Variants in TRDN observed in about 807,000 individuals in gnomAD.
TRDN encodes the protein triadin in skeletal muscle.
In TRDN, 161 loss-of-function variants were observed where a neutral mutation model predicts 149.7. That is an observed-to-expected ratio of 1.08 (90% CI 0.95 to 1.23). TRDN has a LOEUF of 1.23. Among genes scored for constraint, TRDN ranks in the 50% most tolerant of loss-of-function variants. TRDN has a pLI of 0.00. For synonymous variants in TRDN, 294 were observed against 250.5 expected (o/e 1.17, Z -1.64); for missense variants, 896 against 823.5 (o/e 1.09, Z -1.08).
At chr6:123,396,474 T>A (rs1772737978) in intron 12 of TRDN, among the ~76,000 whole-genome samples, 1 of 152,206 alleles carries the variant, frequency 6.6e-6, no homozygotes, top group African/African-American at 2.4e-5. Context: ...CAGATGACCA[T>A]AACAATATTC....
chr6:123,271,295 CT>C (rs1338455304), intron 29 of TRDN, 109 bp from the exon 30 acceptor site: 2 of 658,056 alleles, frequency 3.0e-6, no homozygotes, highest in African/African-American at 3.7e-5. Flanking sequence ...CCAAGAAAAA[CT>C]TGTTGCCTCA....
At chr6:123,326,982 C>T (rs1278558331) in intron 23 of TRDN, among the ~76,000 whole-genome samples, 1 of 152,078 alleles carries the variant, frequency 6.6e-6, no homozygotes, top group East Asian at 1.9e-4. Flanking sequence ...AGAAATTCTA[C>T]TGTAACCAAA....
intron 38 of TRDN, among the ~76,000 whole-genome samples, chr6:123,251,690 T>C (rs550847579): frequency 9.2e-5 from 14 of 151,942 alleles, no homozygotes; most frequent in Non-Finnish European, 2.1e-4. Context: ...GAATATTTTT[T>C]CATAAATATG....
At chr6:123,636,669 A>G (rs768264069) in intron 1 of TRDN, 85 bp downstream of exon 1, 7 of 1,509,424 alleles carry the variant, frequency 4.6e-6, no homozygotes, top group Non-Finnish European at 6.4e-6. Flanking sequence ...GCAACATTTT[A>G]AATGGACACA....
At chr6:123,459,448 GA>G (rs1776324203) in intron 10 of TRDN, among the ~76,000 whole-genome samples, 1 of 152,212 alleles carries the variant, frequency 6.6e-6, no homozygotes, top group African/African-American at 2.4e-5. Context: ...TGAAGGACAT[GA>G]CCTTCAGATG....
intron 1 of TRDN, among the ~76,000 whole-genome samples, chr6:123,597,097 T>C (rs1407161574): frequency 5.3e-5 from 8 of 152,128 alleles, no homozygotes; most frequent in African/African-American, 1.9e-4. Context: ...TTCACCATTC[T>C]ATATGCCATC....
At chr6:123,439,872 T>C (rs1172131577) in intron 10 of TRDN, 1 of 152,238 alleles carries the variant, frequency 6.6e-6, no homozygotes, top group East Asian at 1.9e-4. Flanking sequence ...CAATAATAGC[T>C]ACGGTTAATG....
chr6:123,621,899 T>G (rs551138310), intron 1 of TRDN, among the ~76,000 whole-genome samples: 4 of 152,278 alleles, frequency 2.6e-5, no homozygotes, highest in Admixed American at 6.5e-5. Context: ...GTGCTGGAAA[T>G]AGTTCCCTGA....
At chr6:123,591,957 G>C (rs1384757304) in intron 1 of TRDN, among the ~76,000 whole-genome samples, 1 of 152,150 alleles carries the variant, frequency 6.6e-6, no homozygotes, top group Non-Finnish European at 1.5e-5. Flanking sequence ...AGAGAGTGGG[G>C]ACAAGTATTC....
At chr6:123,301,764 T>TAC (rs1554221695) in intron 24 of TRDN, among the ~76,000 whole-genome samples, 18,057 of 77,222 alleles carry the variant, frequency 0.23, 3,650 homozygotes, top group East Asian at 0.35. Context: ...TATATATATA[T>TAC]ATATACATAT....
intron 21 of TRDN, chr6:123,352,086 T>C (rs1780481252): frequency 1.0e-6 from 1 of 980,092 alleles, no homozygotes; most frequent in Non-Finnish European, 1.2e-6. Flanking sequence ...ATATACTCTA[T>C]TTTTGCTGTT....
At chr6:123,496,153 AC>A (rs1778437971) in intron 9 of TRDN, among the ~76,000 whole-genome samples, 1 of 147,066 alleles carries the variant, frequency 6.8e-6, no homozygotes, top group African/African-American at 2.5e-5. Context: ...ATATTTAGTG[AC>A]TTTCCCCCTC....
chr6:123,318,719 T>C (rs1353823921), intron 23 of TRDN, among the ~76,000 whole-genome samples: 1 of 152,062 alleles, frequency 6.6e-6, no homozygotes, highest in Non-Finnish European at 1.5e-5. Flanking sequence ...GTCAATCATA[T>C]TGTAATCTTG....
chr6:123,571,335 G>A (rs113084939), intron 1 of TRDN, among the ~76,000 whole-genome samples: 35 of 152,198 alleles, frequency 2.3e-4, no homozygotes, highest in African/African-American at 6.7e-4. Context: ...AAACTCGTGC[G>A]CTCATATAAT....
chr6:123,625,253 A>T (rs1029480558), intron 1 of TRDN, among the ~76,000 whole-genome samples: 2 of 152,196 alleles, frequency 1.3e-5, no homozygotes, highest in Admixed American at 1.3e-4. Context: ...CATAAGATTT[A>T]TGAACAATAA....
rs889923231 is a variant in TRDN, at chr6:123,608,478, A to C, written c.22+28276T>G. The stretch of plus-strand genomic sequence containing the variant: ...GACTAAATCAGTGAGAATTGAAAGC[A>C]ACTTAGTAAAGGGCTATATATTTCA... On this transcript the variant is annotated intron_variant, in intron 1 of 40. Transcript: ENST00000334268. Among the ~76,000 whole-genome samples, 4 of 152,300 alleles carry C rather than the reference A, an allele frequency of 2.6e-5. No homozygotes were observed. In the East Asian group the frequency reaches 5.8e-4, roughly 22 times the overall value.
intron 10 of TRDN, chr6:123,464,136 G>A (rs1776646177): frequency 2.6e-5 from 13 of 493,950 alleles, no homozygotes; most frequent in Non-Finnish European, 3.4e-5. Flanking sequence ...GACAGAGAAG[G>A]AACTGTTTTC....
At chr6:123,571,403 T>C (rs1383910075) in intron 1 of TRDN, among the ~76,000 whole-genome samples, 6 of 152,156 alleles carry the variant, frequency 3.9e-5, no homozygotes, top group African/African-American at 1.4e-4. Context: ...GATAAAATGG[T>C]TCAAATGGAT....
At chr6:123,502,471 G>A in intron 8 of TRDN, 5 of 808,470 alleles carry the variant, frequency 6.2e-6, no homozygotes, top group Non-Finnish European at 7.5e-6. Flanking sequence ...ACTAAAAAAA[G>A]AAAAAATCTT....
Sources: gnomAD v4.1 joint callset for allele counts (sites outside exome capture counted in the v4.1 genomes callset) on GRCh38, gnomAD v4.1.1 for gene constraint, MANE v1.5 for transcripts, NCBI Gene and HGNC (gene_info 2026-07-23, HGNC 2026-07-21) for gene names.